The following FRMD5 variants were observed in gnomAD, a reference collection of about 807,000 sequenced individuals.
FRMD5 encodes FERM domain-containing protein 5.
FRMD5 carries 20 observed loss-of-function variants against 69.0 expected under a neutral mutation model. That is an observed-to-expected ratio of 0.29 (90% CI 0.20 to 0.42). The LOEUF (loss-of-function observed/expected upper bound fraction) is 0.42, where lower values mean the gene tolerates loss of function less well. Ranked by LOEUF, FRMD5 falls within the 10% of genes least tolerant of loss-of-function variation. The pLI is 1.00. For synonymous variants in FRMD5, 271 were observed against 260.1 expected, an observed-to-expected ratio of 1.04 and a Z score of -0.40; for missense variants, 595 against 708.6, an observed-to-expected ratio of 0.84 and a Z score of 1.82.
intron 1 of FRMD5, among the ~76,000 whole-genome samples, chr15:43,950,293 T>C (rs953545313): frequency 6.6e-6 from 1 of 152,198 alleles, no homozygotes; most frequent in Non-Finnish European, 1.5e-5. Flanking sequence ...GAGGGACATA[T>C]GCCTCCTTTA....
intron 1 of FRMD5, among the ~76,000 whole-genome samples, chr15:43,952,164 AG>A (rs2090046573): frequency 6.6e-6 from 1 of 152,116 alleles, no homozygotes; most frequent in Non-Finnish European, 1.5e-5. Context: ...CTTCCTCACC[AG>A]GTGGGAAAAT....
chr15:43,984,736 C>T (rs909788516), intron 1 of FRMD5, among the ~76,000 whole-genome samples: 5 of 152,198 alleles, frequency 3.3e-5, no homozygotes, highest in Admixed American at 6.5e-5. Flanking sequence ...GTAATCCCAA[C>T]GCCTTGGGAG....
chr15:44,008,596 G>T lies in FRMD5; in HGVS notation c.103-84287C>A, dbSNP rs540934059. Among the ~76,000 whole-genome samples, 13 of 152,090 alleles carry T rather than the reference G, an allele frequency of 8.5e-5. No individual in the cohort carries two copies. The South Asian group carries it at 2.7e-3, about 32-fold the overall frequency. ...CTTTTTTAACATGTGGTGCACCAAAGATTTTTGTATGTAAAATTTTGTGTA... is the reference window on the plus strand; with the variant it reads ...CTTTTTTAACATGTGGTGCACCAAATATTTTTGTATGTAAAATTTTGTGTA... On this transcript the variant is annotated intron_variant, in intron 1 of 13. Transcript: ENST00000417257.
rs141353204 is a variant in FRMD5, at chr15:44,007,871, C to T, written c.103-83562G>A. ...GTTGGTCAGGCTGGTCTGGAATTCC[C>T]GACCTCAGGTGATCCACCCGCCTTG... On this transcript the variant is annotated intron_variant, in intron 1 of 13. Transcript: ENST00000417257. 7.3e-3 allele frequency among the ~76,000 whole-genome samples: 1,111 copies of T among 151,680 alleles called. 21 individuals carry two copies. Among genetic ancestry groups the T allele is most frequent in the African/African-American group, 0.026 (1,061 of 41,412 alleles).
chr15:43,927,147 T>G lies in FRMD5; in HGVS notation c.103-2838A>C, dbSNP rs574133743. ...TGTGTACTTTGCCCTTTGCAATAAA[T>G]CTCAATAAATCTCTGTTCTTTTACT... On this transcript the variant is annotated intron_variant, in intron 1 of 13. Transcript: ENST00000417257. Among the ~76,000 whole-genome samples, 4 of 152,232 alleles carry G rather than the reference T, an allele frequency of 2.6e-5. No homozygotes were observed. In the South Asian group the frequency reaches 8.3e-4, roughly 32 times the overall value.
intron 1 of FRMD5, chr15:43,989,840 T>C (rs1889584870): frequency 6.8e-6 from 7 of 1,025,172 alleles, no homozygotes; most frequent in Non-Finnish European, 1.1e-5. Context: ...TTCTTGTGGT[T>C]GGCCTTGGGG....
At chr15:44,055,713 A>G (rs1368223263) in intron 1 of FRMD5, among the ~76,000 whole-genome samples, 1 of 152,218 alleles carries the variant, frequency 6.6e-6, no homozygotes, top group Non-Finnish European at 1.5e-5. Context: ...GATGTGGCAC[A>G]ATCATCTGCA....
At chr15:44,110,597 C>T (rs1326468716) in intron 1 of FRMD5, among the ~76,000 whole-genome samples, 2 of 152,206 alleles carry the variant, frequency 1.3e-5, no homozygotes, top group African/African-American at 4.8e-5. Flanking sequence ...AACTACTTTC[C>T]ATTACCTCTC....
intron 1 of FRMD5, among the ~76,000 whole-genome samples, chr15:44,155,424 CTG>C (rs1298846567): frequency 4.0e-5 from 6 of 151,806 alleles, no homozygotes; most frequent in Non-Finnish European, 5.9e-5. Context: ...GAGCGAGACT[CTG>C]TCTCAAAAAA....
At chr15:44,111,461 T>C (rs2076794838) in intron 1 of FRMD5, among the ~76,000 whole-genome samples, 1 of 152,156 alleles carries the variant, frequency 6.6e-6, no homozygotes, top group African/African-American at 2.4e-5. Flanking sequence ...ATCATCAGGT[T>C]CAAGGGACTT....
chr15:44,180,647 TG>T (rs2077982375), intron 1 of FRMD5, among the ~76,000 whole-genome samples: 1 of 152,084 alleles, frequency 6.6e-6, no homozygotes. Context: ...TAGCCAGGCG[TG>T]GTGGTGGGCA....
intron 1 of FRMD5, chr15:43,989,891 C>G: frequency 1.8e-6 from 2 of 1,106,182 alleles, no homozygotes; most frequent in Non-Finnish European, 2.7e-6. Flanking sequence ...TGCTCCTTGG[C>G]AGCCACACAC....
At chr15:44,152,779 CT>C (rs771082421) in intron 1 of FRMD5, among the ~76,000 whole-genome samples, 10 of 151,954 alleles carry the variant, frequency 6.6e-5, no homozygotes, top group Non-Finnish European at 1.3e-4. Flanking sequence ...CATATTTTGT[CT>C]GTTAAAATTG....
chr15:44,062,495 A>G (rs1893130011), intron 1 of FRMD5, among the ~76,000 whole-genome samples: 1 of 152,124 alleles, frequency 6.6e-6, no homozygotes, highest in Admixed American at 6.5e-5. Flanking sequence ...GTTCGAAACC[A>G]GCCTGGCCAA....
chr15:44,194,009 C>G (rs985682774), intron 1 of FRMD5, among the ~76,000 whole-genome samples: 1 of 152,184 alleles, frequency 6.6e-6, no homozygotes, highest in African/African-American at 2.4e-5. Flanking sequence ...CGGCGATGAG[C>G]GCAGGATCCT....
At chr15:43,943,625 C>A (rs977065779) in intron 1 of FRMD5, among the ~76,000 whole-genome samples, 3 of 152,054 alleles carry the variant, frequency 2.0e-5, no homozygotes, top group Admixed American at 2.0e-4. Context: ...ATAAGAAGAC[C>A]ATGAAGAGAC....
intron 1 of FRMD5, among the ~76,000 whole-genome samples, chr15:44,184,331 A>G (rs981918931): frequency 3.3e-5 from 5 of 152,224 alleles, no homozygotes; most frequent in Admixed American, 6.5e-5. Context: ...CTCTTAACAT[A>G]TAATACCAAT....
At chr15:44,028,952 A>C (rs1196645597) in intron 1 of FRMD5, among the ~76,000 whole-genome samples, 3 of 152,240 alleles carry the variant, frequency 2.0e-5, no homozygotes, top group African/African-American at 7.2e-5. Flanking sequence ...CAAAGAAGTG[A>C]CATTTTCTCT....
chr15:43,989,214 C>CTT, intron 1 of FRMD5: 1 of 818,816 alleles, frequency 1.2e-6, no homozygotes. Flanking sequence ...TCTTGATCTT[C>CTT]ATTGTGCTGG....
Sources: gnomAD v4.1 joint callset for allele counts (sites outside exome capture counted in the v4.1 genomes callset) on GRCh38, gnomAD v4.1.1 for gene constraint, MANE v1.5 for transcripts, NCBI Gene and HGNC (gene_info 2026-07-23, HGNC 2026-07-21) for gene names.